Variants in PCM1 observed in about 807,000 individuals in gnomAD.
PCM1 encodes the protein pericentriolar material 1 protein.
PCM1 carries 157 observed loss-of-function variants against 241.9 expected under a neutral mutation model. The observed-to-expected ratio is 0.65, with a 90% CI of 0.57 to 0.74. PCM1 has a LOEUF of 0.74. PCM1 is among the 30% of genes least tolerant of loss of function. The probability of loss-of-function intolerance (pLI) is 0.00; values close to 1 mark genes in which losing one functional copy is unlikely to be tolerated. For synonymous variants in PCM1, 1,085 were observed against 784.9 expected (o/e 1.38, Z -6.39); for missense variants, 3,478 against 2,360.1 (o/e 1.47, Z -9.81).
chr8:17,999,087 T>A (rs888341165), intron 29 of PCM1, among the ~76,000 whole-genome samples: 2 of 152,130 alleles, frequency 1.3e-5, no homozygotes, highest in African/African-American at 4.8e-5. Flanking sequence ...AGAAATGCTG[T>A]CCAGGAGCCA....
rs1210886857 is a variant in PCM1 at position 17,986,036 on chromosome 8, A to G, written c.4359A>G (p.Ile1453Met). The stretch of plus-strand genomic sequence containing the variant: ...AGTCAGTAAACTCTGGTACTTGGAT[A>G]GCATCAAACTCAGAACTTACTCCTA... Reference protein sequence around the residue: ...NVKSVNSGTWIASNSELTPSE... With the variant: ...NVKSVNSGTWMASNSELTPSE... The change falls in exon 26 of 39, where the codon ATA (isoleucine) becomes ATG (methionine). Residue 1453 changes from isoleucine (I) to methionine (M), a missense_variant. Physicochemically the swap from Ile to Met is conservative, Grantham distance 10 (BLOSUM62 1). Coordinates refer to ENST00000325083, the MANE Select transcript of PCM1 (RefSeq NM_006197.4). 9 of 1,602,008 alleles carry G rather than the reference A, an allele frequency of 5.6e-6. No homozygotes were observed. The highest frequency in any genetic ancestry group is 6.0e-6 in the Non-Finnish European group (7 of 1,171,788).
In PCM1 at chr8:17,985,977, A is replaced by G. The variant is rs570595418; in HGVS notation, c.4300A>G (p.Ile1434Val). 60 of 1,569,586 alleles carry G rather than the reference A, an allele frequency of 3.8e-5. No individual in the cohort carries two copies. The East Asian group carries it at 1.3e-3, about 35-fold the overall frequency. The change falls in exon 26 of 39, where the codon ATT (isoleucine) becomes GTT (valine). Residue 1434 changes from isoleucine to valine, a missense_variant. By Grantham distance (29) the Ile-to-Val change is conservative. Transcript: ENST00000325083. ...YALQDIVSRHISESHEKGENV... is the reference protein window; with the variant it reads ...YALQDIVSRHVSESHEKGENV... ...TATTTAGGACATAGTATCCAGACATATTTCTGAGAGCCATGAAAAAGGAGA... is the reference window on the plus strand; with the variant it reads ...TATTTAGGACATAGTATCCAGACATGTTTCTGAGAGCCATGAAAAAGGAGA...
chr8:17,931,622 C>G lies in PCM1; in HGVS notation c.-22-3967C>G, dbSNP rs148751798. 1.5e-3 allele frequency among the ~76,000 whole-genome samples: 221 copies of G among 152,242 alleles called. 1 individual carries two copies. Among genetic ancestry groups the G allele is most frequent in the African/African-American group, 5.1e-3 (213 of 41,546 alleles). ...TAATAGAAAGTATTGCTAACATACT[C>G]TTTTAAGATAAAAATGATATGTAAT... On this transcript the variant is annotated intron_variant, in intron 2 of 38. Transcript: ENST00000325083.
At chr8:17,941,678 C>A (rs1054509825) in intron 6 of PCM1, among the ~76,000 whole-genome samples, 1 of 151,950 alleles carries the variant, frequency 6.6e-6, no homozygotes, top group African/African-American at 2.4e-5. Context: ...AGAATTCGGC[C>A]GTGCATTGAG....
At position 17,937,222 on chromosome 8, in the gene PCM1, A is replaced by T; in HGVS notation, c.185A>T (p.Asn62Ile). 1.9e-6 allele frequency: 3 copies of T among 1,607,736 alleles called. No individual in the cohort carries two copies. Among genetic ancestry groups the T allele is most frequent in the Non-Finnish European group, 2.6e-6 (3 of 1,175,950 alleles). ...FGVESDKRVT[N>I]DISPESSPGV... ...GTAGAAAGTGATAAAAGAGTAACCA[A>T]TGATATTTCTCCGGAGTCGTCACCA... is the stretch of plus-strand genomic sequence containing the variant. The change falls in exon 4 of 39, where the codon AAT becomes ATT. Residue 62 changes from asparagine (N) to isoleucine (I), a missense_variant. By Grantham distance (149) the Asn-to-Ile change is moderately radical. Coordinates refer to ENST00000325083, the MANE Select transcript of PCM1 (RefSeq NM_006197.4).
chr8:17,938,648 T>C, intron 4 of PCM1, 92 bp from the exon 5 acceptor site: 1 of 845,908 alleles, frequency 1.2e-6, no homozygotes, highest in Non-Finnish European at 1.9e-6. Context: ...TCTGAATCAA[T>C]ATCTGATGGC....
rs2055171373 is a variant in PCM1, at chr8:17,923,178, T to C, written c.-101T>C. 6.6e-6 allele frequency: 1 copy of C among 152,514 alleles called. No homozygotes were observed. The highest frequency in any genetic ancestry group is 2.1e-4 in the South Asian group (1 of 4,836). The allele number at this position is 152,514 out of a possible 1,614,324, so 9.4% of individuals were successfully genotyped here. ...CTCTGCCTTTGACAGGAGAGGCTGCTTCTTGTAGAGGTAATGCCTGCGCGT... is the reference window on the plus strand; with the variant it reads ...CTCTGCCTTTGACAGGAGAGGCTGCCTCTTGTAGAGGTAATGCCTGCGCGT... On this transcript the variant is annotated 5_prime_UTR_variant, in exon 1 of 39. Transcript: ENST00000325083.
At chr8:17,968,762 GTATATATATA>G (rs1554688770) in intron 21 of PCM1, among the ~76,000 whole-genome samples, 1 of 136,734 alleles carries the variant, frequency 7.3e-6, no homozygotes, top group African/African-American at 2.8e-5. Flanking sequence ...GTGTGTGTGT[GTATATATATA>G]TATATACACA....
chr8:17,982,390 A>G (rs1174289980), intron 24 of PCM1: 2 of 152,170 alleles, frequency 1.3e-5, no homozygotes, highest in Admixed American at 6.5e-5. Flanking sequence ...TTCAGGCCCT[A>G]TTACTGTTAC....
Position 17,939,759 on chromosome 8 carries a change from A to G in PCM1, c.681A>G (p.Val227=). 2.6e-6 allele frequency: 4 copies of G among 1,556,432 alleles called. No individual in the cohort carries two copies. Among genetic ancestry groups the G allele is most frequent in the Non-Finnish European group, 3.5e-6 (4 of 1,145,932 alleles). The change falls in exon 6 of 39, where the codon GTA becomes GTG. Residue 227 remains valine (V), a synonymous_variant. Coordinates refer to ENST00000325083, the MANE Select transcript of PCM1 (RefSeq NM_006197.4). ...TKASSMREDL[V]EKNERSANVE... ...CTAGTTCCATGCGGGAAGATCTTGT[A>G]GAGAAAAATGAGAGATCTGCTAATG...
In PCM1 at chr8:17,955,409, A is replaced by G. The variant is rs1465002594; in HGVS notation, c.1289-61A>G. The G allele has an allele frequency of 2.6e-6, 3 of 1,134,732 alleles. No individual in the cohort carries two copies. In the African/African-American group the frequency reaches 4.7e-5, roughly 18 times the overall value. 70.3% of individuals were successfully genotyped at this position (1,134,732 alleles called of 1,614,324 possible). A position where few individuals can be genotyped will look rare whatever the true frequency, so the allele number is the denominator to read the frequency against. On this transcript the variant is annotated intron_variant, in intron 9 of 38. Transcript: ENST00000325083. ...AGTTTTCAATATCCAAGCCAACTGTATGTGTTTGTTTATGGTAACTGGTGA... is the reference window on the plus strand; with the variant it reads ...AGTTTTCAATATCCAAGCCAACTGTGTGTGTTTGTTTATGGTAACTGGTGA...
At chr8:17,959,345 T>TAC (rs35245481) in intron 13 of PCM1, among the ~76,000 whole-genome samples, 148,183 of 152,002 alleles carry the variant, frequency 0.97, 72,243 homozygotes, top group East Asian at 1. Context: ...ACACAGTACA[T>TAC]AGTTATTTGT....
Position 17,966,437 on chromosome 8 carries a change from A to G in PCM1, c.3185A>G (p.Tyr1062Cys), listed in dbSNP as rs749269864. ...HFIMHQLNQC[Y>C]TQLTWQQNNV... ...ATAATGCACCAGTTGAACCAGTGCT[A>G]TACTCAGCTAACATGGCAACAGAAT... is the stretch of plus-strand genomic sequence containing the variant. Residue 1062 changes from tyrosine (Y) to cysteine (C), a missense_variant, in exon 20 of 39, where the codon TAT (tyrosine) becomes TGT (cysteine). Transcript: ENST00000325083. The G allele has an allele frequency of 5.0e-5, 80 of 1,613,682 alleles. No individual in the cohort carries two copies. The highest frequency in any genetic ancestry group is 6.7e-5 in the African/African-American group (5 of 74,946).
At chr8:18,012,510 A>G (rs1156634764) in intron 34 of PCM1, among the ~76,000 whole-genome samples, 1 of 152,152 alleles carries the variant, frequency 6.6e-6, no homozygotes, top group East Asian at 1.9e-4. Flanking sequence ...GGTGCTATCC[A>G]CAGTTTTGGA....
chr8:17,951,057 C>G (rs1002563686), intron 8 of PCM1, among the ~76,000 whole-genome samples: 1 of 152,166 alleles, frequency 6.6e-6, no homozygotes, highest in African/African-American at 2.4e-5. Flanking sequence ...TTAATGGTCA[C>G]AACGATTAAG....
At chr8:17,975,771 A>G (rs926316500) in intron 23 of PCM1, among the ~76,000 whole-genome samples, 1 of 152,140 alleles carries the variant, frequency 6.6e-6, no homozygotes, top group East Asian at 1.9e-4. Flanking sequence ...GTTTCCCATG[A>G]TGGTAATGTG....
chr8:17,927,705 C>G (rs928062544), intron 2 of PCM1: 9 of 151,944 alleles, frequency 5.9e-5, no homozygotes, highest in African/African-American at 1.9e-4. Context: ...CGCGTGCCAC[C>G]ACGTCCGACT....
At chr8:17,942,711 A>G (rs1430876722) in intron 6 of PCM1, among the ~76,000 whole-genome samples, 2 of 151,966 alleles carry the variant, frequency 1.3e-5, no homozygotes, top group African/African-American at 4.8e-5. Flanking sequence ...AAGAGTTTGA[A>G]TAGGCCGGGC....
chr8:17,988,008 C>T (rs1405254908), intron 26 of PCM1, among the ~76,000 whole-genome samples: 4 of 151,614 alleles, frequency 2.6e-5, no homozygotes, highest in Non-Finnish European at 5.9e-5. Flanking sequence ...GTAAGAGATA[C>T]CTCTCTTGCC....
Sources: allele counts gnomAD v4.1 joint callset (sites outside exome capture counted in the v4.1 genomes callset), GRCh38; gene constraint gnomAD v4.1.1; transcripts MANE v1.5; gene names NCBI Gene and HGNC (gene_info 2026-07-23, HGNC 2026-07-21).